FOXO3: variants seen among roughly 807,000 people sequenced by gnomAD.
The protein encoded by FOXO3 is forkhead box protein O3.
FOXO3 carries 4 observed loss-of-function variants against 41.9 expected under a neutral mutation model. The ratio of observed to expected loss-of-function variants is 0.10; its 90% CI spans 0.05 to 0.22. FOXO3 has a LOEUF of 0.22. Among genes scored for constraint, FOXO3 ranks in the 10% least tolerant of loss-of-function variants. The probability of loss-of-function intolerance (pLI) is 1.00; values close to 1 mark genes in which losing one functional copy is unlikely to be tolerated. For synonymous variants in FOXO3, 318 were observed against 389.3 expected, an observed-to-expected ratio of 0.82 and a Z score of 2.16; for missense variants, 534 against 906.8, an observed-to-expected ratio of 0.59 and a Z score of 5.28.
At position 108,561,026 on chromosome 6, in the gene FOXO3, G is replaced by A. The variant is rs1775766603; in HGVS notation, c.-183G>A. 3 of 1,382,820 alleles carry A rather than the reference G, an allele frequency of 2.2e-6. No individual in the cohort carries two copies. The highest frequency in any genetic ancestry group is 9.2e-7 in the Non-Finnish European group (1 of 1,081,226). The allele number at this position is 1,382,820 out of a possible 1,614,324, so 85.7% of individuals were successfully genotyped here. Reference sequence around the variant, plus strand: ...GCGGCAGCGGGCGAGGACTCGCCGAGGACGGGGCTCCGGCCCGGGATAACC... The same window carrying A: ...GCGGCAGCGGGCGAGGACTCGCCGAAGACGGGGCTCCGGCCCGGGATAACC... On this transcript the variant is annotated 5_prime_UTR_variant, in exon 1 of 3. Coordinates refer to ENST00000406360, the MANE Select transcript of FOXO3 (RefSeq NM_001455.4).
At chr6:108,585,828 C>T (rs146427054) in intron 1 of FOXO3, among the ~76,000 whole-genome samples, 110 of 152,330 alleles carry the variant, frequency 7.2e-4, no homozygotes, top group African/African-American at 2.6e-3. Flanking sequence ...CAGTAGCATA[C>T]AAAATCGCTC....
chr6:108,653,901 C>G (rs1268213571), intron 1 of FOXO3, among the ~76,000 whole-genome samples: 1 of 152,178 alleles, frequency 6.6e-6, no homozygotes, highest in Non-Finnish European at 1.5e-5. Context: ...CTAATTTGAG[C>G]ATGGTCTTAA....
rs552785019 is a variant in FOXO3, at chr6:108,608,897, T to G, written c.621+47068T>G. On this transcript the variant is annotated intron_variant, in intron 1 of 2. Coordinates refer to ENST00000406360, the MANE Select transcript of FOXO3 (RefSeq NM_001455.4). Reference sequence around the variant, plus strand: ...CGGGCCCTAAATTCCCAGGACAGATTTGTTTCAACCTCAGGACAGTTGCTT... The same window carrying G: ...CGGGCCCTAAATTCCCAGGACAGATGTGTTTCAACCTCAGGACAGTTGCTT... Among the ~76,000 whole-genome samples the G allele has an allele frequency of 6.6e-5, 10 of 152,332 alleles. No individual in the cohort carries two copies. In the South Asian group the frequency reaches 2.1e-3, roughly 32 times the overall value.
intron 1 of FOXO3, among the ~76,000 whole-genome samples, chr6:108,627,834 G>C (rs1469268379): frequency 6.6e-6 from 1 of 152,188 alleles, no homozygotes; most frequent in Non-Finnish European, 1.5e-5. Flanking sequence ...CTTAACAGCT[G>C]TGTGACCCTG....
At chr6:108,630,059 G>GGT (rs1777922339) in intron 1 of FOXO3, among the ~76,000 whole-genome samples, 1 of 152,146 alleles carries the variant, frequency 6.6e-6, no homozygotes, top group Admixed American at 6.5e-5. Flanking sequence ...ACTCTATGTT[G>GGT]CTCCTTCCTG....
chr6:108,637,485 C>T (rs992054753), intron 1 of FOXO3, among the ~76,000 whole-genome samples: 9 of 152,102 alleles, frequency 5.9e-5, no homozygotes, highest in African/African-American at 2.2e-4. Context: ...TATGGTTAGC[C>T]TCTGAGTGTT....
intron 2 of FOXO3, among the ~76,000 whole-genome samples, chr6:108,669,569 C>G (rs1779155745): frequency 6.6e-6 from 1 of 152,124 alleles, no homozygotes; most frequent in East Asian, 1.9e-4. Context: ...TCTGCATCTT[C>G]AGGGATCTTT....
chr6:108,640,518 G>A (rs1285154793), intron 1 of FOXO3, among the ~76,000 whole-genome samples: 2 of 152,122 alleles, frequency 1.3e-5, no homozygotes, highest in East Asian at 1.9e-4. Context: ...TGACAAAAAT[G>A]TGAGCATTTC....
chr6:108,641,749 C>T (rs1778264984), intron 1 of FOXO3, among the ~76,000 whole-genome samples: 1 of 151,938 alleles, frequency 6.6e-6, no homozygotes, highest in African/African-American at 2.4e-5. Context: ...GAGAGACATC[C>T]TCAAGCCTGT....
intron 1 of FOXO3, among the ~76,000 whole-genome samples, chr6:108,598,481 G>A (rs1032488392): frequency 4.6e-5 from 7 of 152,130 alleles, no homozygotes; most frequent in African/African-American, 9.7e-5. Flanking sequence ...CCACTGGCAC[G>A]CACTGACCCA....
At chr6:108,560,073 C>T (rs1262089837), upstream of FOXO3, 2 of 152,268 alleles carry the variant, frequency 1.3e-5, no homozygotes, top group Non-Finnish European at 2.9e-5. Flanking sequence ...GGATCTGCTT[C>T]CGAGCTGGGC....
At chr6:108,667,112 C>T (rs767572335) in intron 2 of FOXO3, among the ~76,000 whole-genome samples, 2 of 152,176 alleles carry the variant, frequency 1.3e-5, no homozygotes, top group African/African-American at 2.4e-5. Flanking sequence ...TCAACTTTCT[C>T]AGGCCTAAGA....
At chr6:108,679,040 T>G (rs1427322813) in intron 2 of FOXO3, among the ~76,000 whole-genome samples, 3 of 151,544 alleles carry the variant, frequency 2.0e-5, no homozygotes, top group Non-Finnish European at 4.4e-5. Context: ...CCCGGCTAAT[T>G]TTTTGTATTT....
At chr6:108,563,725 ATAATT>A (rs1243067732) in intron 1 of FOXO3, among the ~76,000 whole-genome samples, 3 of 152,360 alleles carry the variant, frequency 2.0e-5, no homozygotes, top group South Asian at 4.1e-4. Flanking sequence ...GGTTACAAAA[ATAATT>A]TAATTTCACA....
chr6:108,569,418 A>G (rs531206470), intron 1 of FOXO3, among the ~76,000 whole-genome samples: 16 of 152,370 alleles, frequency 1.1e-4, no homozygotes, highest in African/African-American at 3.8e-4. Context: ...GCTGGCATCC[A>G]TAGAGTACTG....
At chr6:108,652,037 T>A (rs1209414959) in intron 1 of FOXO3, among the ~76,000 whole-genome samples, 1 of 152,214 alleles carries the variant, frequency 6.6e-6, no homozygotes, top group African/African-American at 2.4e-5. Context: ...ATTTGCTTGA[T>A]GTTTCTGGCT....
At chr6:108,663,039 G>A (rs1778916584) in intron 1 of FOXO3, among the ~76,000 whole-genome samples, 1 of 152,120 alleles carries the variant, frequency 6.6e-6, no homozygotes, top group Non-Finnish European at 1.5e-5. Context: ...TTTGAATTAG[G>A]ATGGATTTTT....
intron 2 of FOXO3, among the ~76,000 whole-genome samples, chr6:108,675,550 T>C (rs1394174946): frequency 6.6e-6 from 1 of 152,232 alleles, no homozygotes. Flanking sequence ...TGCATTAATA[T>C]CAATTCCTTA....
chr6:108,597,494 C>A (rs1365346681), intron 1 of FOXO3, among the ~76,000 whole-genome samples: 2 of 151,898 alleles, frequency 1.3e-5, no homozygotes, highest in Non-Finnish European at 2.9e-5. Flanking sequence ...CAGAACATCC[C>A]CATGCTGCCT....
Sources: gnomAD v4.1 joint callset for allele counts (sites outside exome capture counted in the v4.1 genomes callset) on GRCh38, gnomAD v4.1.1 for gene constraint, MANE v1.5 for transcripts, NCBI Gene and HGNC (gene_info 2026-07-23, HGNC 2026-07-21) for gene names.